The following SPSB4 variants were observed in gnomAD, a reference collection of about 807,000 sequenced individuals.
SPSB4 encodes the protein SPRY domain-containing SOCS box protein 4.
In SPSB4, 21 loss-of-function variants were observed where a neutral mutation model predicts 20.9. The observed-to-expected ratio is 1.01, with a 90% CI of 0.71 to 1.45. SPSB4 has a LOEUF of 1.45. Among genes scored for constraint, SPSB4 ranks in the 40% most tolerant of loss-of-function variants. The pLI, the probability that SPSB4 is intolerant of heterozygous loss-of-function variation, is 0.00. For synonymous variants in SPSB4, 207 were observed against 183.8 expected (o/e 1.13, Z -1.02); for missense variants, 399 against 399.2 (o/e 1.00, Z 0.00).
intron 2 of SPSB4, among the ~76,000 whole-genome samples, chr3:141,137,327 A>ATT (rs1361650650): frequency 6.8e-6 from 1 of 147,354 alleles, no homozygotes; most frequent in Non-Finnish European, 1.5e-5. Flanking sequence ...TTGAATGCCC[A>ATT]CCTTCTCCTG....
At chr3:141,084,364 G>T (rs755548891) in intron 2 of SPSB4, among the ~76,000 whole-genome samples, 1 of 151,552 alleles carries the variant, frequency 6.6e-6, no homozygotes, top group Non-Finnish European at 1.5e-5. Context: ...CCCTCATGCC[G>T]CCTGGGTGGC....
intron 2 of SPSB4, among the ~76,000 whole-genome samples, chr3:141,131,798 A>G (rs1939135134): frequency 6.6e-6 from 1 of 152,232 alleles, no homozygotes; most frequent in African/African-American, 2.4e-5. Flanking sequence ...AGCATTTGTG[A>G]ATGAACATTT....
At chr3:141,116,668 T>C (rs1341997830) in intron 2 of SPSB4, among the ~76,000 whole-genome samples, 1 of 152,164 alleles carries the variant, frequency 6.6e-6, no homozygotes, top group Non-Finnish European at 1.5e-5. Flanking sequence ...AACTACCTCA[T>C]TGGGTTGTTA....
intron 2 of SPSB4, among the ~76,000 whole-genome samples, chr3:141,074,812 TTGG>T (rs1321234934): frequency 6.6e-6 from 1 of 152,212 alleles, no homozygotes; most frequent in Non-Finnish European, 1.5e-5. Context: ...AAATAGTGAC[TTGG>T]TCTAGTTGTG....
intron 2 of SPSB4, among the ~76,000 whole-genome samples, chr3:141,123,784 G>A (rs541605242): frequency 8.5e-5 from 13 of 152,334 alleles, no homozygotes; most frequent in African/African-American, 1.2e-4. Context: ...GGGAAGATCC[G>A]TGGAGCAGGG....
intron 2 of SPSB4, among the ~76,000 whole-genome samples, chr3:141,082,944 G>A (rs1015534966): frequency 2.0e-5 from 3 of 152,100 alleles, no homozygotes; most frequent in East Asian, 1.9e-4. Context: ...TGGCCTCAGC[G>A]TGGTGATCTG....
chr3:141,134,078 A>T (rs1939187478), intron 2 of SPSB4, among the ~76,000 whole-genome samples: 2 of 26,420 alleles, frequency 7.6e-5, no homozygotes, highest in African/African-American at 1.8e-4. Context: ...TTTTTTTTGC[A>T]GCTGTTGTAA....
intron 2 of SPSB4, among the ~76,000 whole-genome samples, chr3:141,090,381 AATG>A (rs1395111137): frequency 1.3e-5 from 2 of 152,206 alleles, no homozygotes; most frequent in East Asian, 3.8e-4. Flanking sequence ...AGTGTTAGCT[AATG>A]ATAAGTACGG....
At chr3:141,091,774 T>G (rs1938453534) in intron 2 of SPSB4, among the ~76,000 whole-genome samples, 1 of 152,250 alleles carries the variant, frequency 6.6e-6, no homozygotes, top group South Asian at 2.1e-4. Context: ...CCAATGGCAC[T>G]GCCCACTACA....
At chr3:141,057,007 G>A (rs1028171700) in intron 1 of SPSB4, among the ~76,000 whole-genome samples, 2 of 152,250 alleles carry the variant, frequency 1.3e-5, no homozygotes, top group Non-Finnish European at 2.9e-5. Flanking sequence ...TCACGCGTGG[G>A]AGGATTCCCA....
At chr3:141,128,256 G>C (rs1321122620) in intron 2 of SPSB4, among the ~76,000 whole-genome samples, 1 of 152,146 alleles carries the variant, frequency 6.6e-6, no homozygotes, top group Non-Finnish European at 1.5e-5. Flanking sequence ...GAGTCCCTGA[G>C]GATCTGGCAG....
chr3:141,075,153 C>T (rs1434481974), intron 2 of SPSB4, among the ~76,000 whole-genome samples: 1 of 102,748 alleles, frequency 9.7e-6, no homozygotes, highest in Non-Finnish European at 1.7e-5. Flanking sequence ...AAAAACACAG[C>T]TGTGGGAGGA....
chr3:141,124,445 A>G (rs1009671237), intron 2 of SPSB4, among the ~76,000 whole-genome samples: 2 of 152,254 alleles, frequency 1.3e-5, no homozygotes, highest in Admixed American at 1.3e-4. Context: ...AGTCACCGTA[A>G]TGATGAGAAC....
intron 2 of SPSB4, among the ~76,000 whole-genome samples, chr3:141,131,429 A>G (rs1939127869): frequency 6.6e-6 from 1 of 152,158 alleles, no homozygotes; most frequent in African/African-American, 2.4e-5. Context: ...GTTTACAAAC[A>G]ACATGCTAGT....
intron 2 of SPSB4, among the ~76,000 whole-genome samples, chr3:141,070,178 G>A (rs9817298): frequency 0.3 from 45,678 of 152,034 alleles, 10,513 homozygotes; most frequent in African/African-American, 0.64. Flanking sequence ...AAATGGAGAA[G>A]CTGTCCCAGG....
intron 2 of SPSB4, among the ~76,000 whole-genome samples, chr3:141,100,218 A>G (rs56336339): frequency 0.076 from 11,608 of 152,182 alleles, 1,482 homozygotes; most frequent in African/African-American, 0.26. Flanking sequence ...TGTGTCCCCC[A>G]CAAATTCATA....
At chr3:141,137,858 T>C (rs1176382843) in intron 2 of SPSB4, among the ~76,000 whole-genome samples, 1 of 152,222 alleles carries the variant, frequency 6.6e-6, no homozygotes, top group Non-Finnish European at 1.5e-5. Flanking sequence ...TAAAATGAGT[T>C]AGGGAGGATT....
chr3:141,104,859 G>A (rs960485693), intron 2 of SPSB4, among the ~76,000 whole-genome samples: 1 of 152,230 alleles, frequency 6.6e-6, no homozygotes, highest in Non-Finnish European at 1.5e-5. Flanking sequence ...GAGTTGAGGA[G>A]GTTTGAAGTG....
chr3:141,128,623 G>C (rs1939086669), intron 2 of SPSB4, among the ~76,000 whole-genome samples: 1 of 152,158 alleles, frequency 6.6e-6, no homozygotes, highest in Non-Finnish European at 1.5e-5. Flanking sequence ...TGGTCCAGTT[G>C]AGGCAGCTGG....
Sources: allele counts gnomAD v4.1 joint callset (sites outside exome capture counted in the v4.1 genomes callset), GRCh38; gene constraint gnomAD v4.1.1; transcripts MANE v1.5; gene names NCBI Gene and HGNC (gene_info 2026-07-23, HGNC 2026-07-21).